GRID2: variants seen among roughly 807,000 people sequenced by gnomAD.
GRID2 encodes glutamate receptor ionotropic, delta-2.
A neutral mutation model predicts 114.8 loss-of-function variants in GRID2; 33 were observed. The ratio of observed to expected loss-of-function variants is 0.29; its 90% CI spans 0.22 to 0.38. The LOEUF is 0.38. Ranked by LOEUF, GRID2 falls within the 10% of genes least tolerant of loss-of-function variation. The probability of loss-of-function intolerance (pLI) is 1.00; values close to 1 mark genes in which losing one functional copy is unlikely to be tolerated. For missense variants in GRID2, 1,184 were observed against 1,257.7 expected, an observed-to-expected ratio of 0.94 and a Z score of 0.89; for synonymous variants, 505 against 449.9, an observed-to-expected ratio of 1.12 and a Z score of -1.55.
In GRID2 at chr4:92,723,748, TAGG is replaced by T. The variant is rs201016961; in HGVS notation, c.244+133465_244+133467del. Among the ~76,000 whole-genome samples the T allele has an allele frequency of 7.3e-3, 1,115 of 152,228 alleles. 16 individuals are homozygous for T. The highest frequency in any genetic ancestry group is 0.025 in the African/African-American group (1,027 of 41,540). On this transcript the variant is annotated intron_variant, in intron 2 of 15. Coordinates refer to ENST00000282020, the MANE Select transcript of GRID2 (RefSeq NM_001510.4). Reference sequence around the variant, plus strand: ...TCCCTGGTTCTGCTAATATAAGAAATAGGAGAGATGGCTCAAAGCCTTCTACAG... The same window carrying T: ...TCCCTGGTTCTGCTAATATAAGAAATAGAGATGGCTCAAAGCCTTCTACAG...
intron 2 of GRID2, among the ~76,000 whole-genome samples, chr4:92,913,444 G>A (rs1312487790): frequency 6.6e-6 from 1 of 151,808 alleles, no homozygotes; most frequent in South Asian, 2.1e-4. Context: ...GCATTCACAA[G>A]GCACACATGT....
At chr4:93,087,547 C>T (rs1186061907) in intron 3 of GRID2, among the ~76,000 whole-genome samples, 2 of 151,946 alleles carry the variant, frequency 1.3e-5, no homozygotes, top group South Asian at 2.1e-4. Flanking sequence ...ATCATTTATG[C>T]ATATTTGAAA....
chr4:92,413,660 C>G (rs1384955420), intron 1 of GRID2, among the ~76,000 whole-genome samples: 2 of 151,998 alleles, frequency 1.3e-5, no homozygotes. Context: ...ATGAGAAATG[C>G]TGCAGGAAAC....
intron 2 of GRID2, among the ~76,000 whole-genome samples, chr4:92,654,875 C>T (rs1732150097): frequency 6.6e-6 from 1 of 151,894 alleles, no homozygotes; most frequent in African/African-American, 2.4e-5. Flanking sequence ...TTGATTGTTT[C>T]TTTTGCTTTG....
At chr4:92,377,511 T>C (rs1729411939) in intron 1 of GRID2, among the ~76,000 whole-genome samples, 1 of 152,200 alleles carries the variant, frequency 6.6e-6, no homozygotes. Context: ...CCTCTGCCTG[T>C]TACCCAGTTC....
chr4:93,752,765 C>T (rs929412187), intron 14 of GRID2, among the ~76,000 whole-genome samples: 1 of 152,176 alleles, frequency 6.6e-6, no homozygotes, highest in African/African-American at 2.4e-5. Flanking sequence ...CTTATCCACA[C>T]CTCATTATCA....
intron 13 of GRID2, among the ~76,000 whole-genome samples, chr4:93,601,333 A>G (rs1234257767): frequency 6.6e-6 from 1 of 152,136 alleles, no homozygotes; most frequent in Admixed American, 6.6e-5. Context: ...CCCCTCTCCT[A>G]TACATCATAT....
intron 1 of GRID2, among the ~76,000 whole-genome samples, chr4:92,550,513 T>C (rs1726530865): frequency 6.6e-6 from 1 of 152,188 alleles, no homozygotes; most frequent in Non-Finnish European, 1.5e-5. Context: ...ATGAGTATAA[T>C]CTGGATTCCT....
intron 1 of GRID2, among the ~76,000 whole-genome samples, chr4:92,450,383 T>C (rs1720837888): frequency 6.6e-6 from 1 of 151,972 alleles, no homozygotes. Flanking sequence ...AATCAAATGA[T>C]AAGACCTCGA....
chr4:92,689,970 T>A (rs1734097216), intron 2 of GRID2, among the ~76,000 whole-genome samples: 1 of 152,166 alleles, frequency 6.6e-6, no homozygotes, highest in Non-Finnish European at 1.5e-5. Context: ...TGGTTTGATC[T>A]TCAGTGATGT....
chr4:92,795,442 CTG>C (rs898453933), intron 2 of GRID2, among the ~76,000 whole-genome samples: 4 of 151,976 alleles, frequency 2.6e-5, no homozygotes, highest in African/African-American at 9.7e-5. Context: ...CCATGTGAAA[CTG>C]TAAATCCAAT....
intron 1 of GRID2, among the ~76,000 whole-genome samples, chr4:92,448,720 C>T (rs971828935): frequency 5.3e-5 from 8 of 151,474 alleles, no homozygotes; most frequent in Non-Finnish European, 1.2e-4. Flanking sequence ...CCAAAAATTT[C>T]AATTATTAAA....
chr4:92,498,899 G>A, intron 1 of GRID2, among the ~76,000 whole-genome samples: 1 of 143,838 alleles, frequency 7.0e-6, no homozygotes, highest in South Asian at 2.2e-4. Flanking sequence ...GCCAAATCAT[G>A]TAGGAAATGA....
chr4:92,766,365 C>T (rs192854953), intron 2 of GRID2, among the ~76,000 whole-genome samples: 267 of 151,900 alleles, frequency 1.8e-3, no homozygotes, highest in Middle Eastern at 0.014. Flanking sequence ...GGTGAAACCC[C>T]GTCTCTACCA....
chr4:92,789,829 A>G lies in GRID2; in HGVS notation c.244+199543A>G, dbSNP rs556416056. ...GATTTCTTTATATATTTTCAGTTTT[A>G]TACTGTGTGCTCATATTTGTTAGAA... On this transcript the variant is annotated intron_variant, in intron 2 of 15. Coordinates refer to ENST00000282020, the MANE Select transcript of GRID2 (RefSeq NM_001510.4). Among the ~76,000 whole-genome samples the G allele has an allele frequency of 5.3e-5, 8 of 151,972 alleles. No homozygotes were observed. The East Asian group carries it at 9.7e-4, about 18-fold the overall frequency.
chr4:93,579,052 A>AT (rs539665402), intron 13 of GRID2, among the ~76,000 whole-genome samples: 23 of 150,206 alleles, frequency 1.5e-4, no homozygotes, highest in South Asian at 8.4e-4. Context: ...ATCCAAATCA[A>AT]TTTTTTTTTT....
chr4:93,063,882 T>G (rs1412650440), intron 2 of GRID2, among the ~76,000 whole-genome samples: 3 of 151,608 alleles, frequency 2.0e-5, no homozygotes, highest in Non-Finnish European at 4.4e-5. Flanking sequence ...GAATTGTATT[T>G]TATTCACCAA....
intron 2 of GRID2, among the ~76,000 whole-genome samples, chr4:92,611,833 A>G (rs1729759403): frequency 6.6e-6 from 1 of 151,380 alleles, no homozygotes; most frequent in Admixed American, 6.6e-5. Flanking sequence ...ATACATATTT[A>G]TTTGAGGTTT....
At chr4:93,262,971 G>T (rs888084955) in intron 8 of GRID2, among the ~76,000 whole-genome samples, 4 of 151,492 alleles carry the variant, frequency 2.6e-5, no homozygotes, top group African/African-American at 7.3e-5. Flanking sequence ...GTAACTCCTT[G>T]TTCCACTTAT....
Sources: allele counts gnomAD v4.1 joint callset (sites outside exome capture counted in the v4.1 genomes callset), GRCh38; gene constraint gnomAD v4.1.1; transcripts MANE v1.5; gene names NCBI Gene and HGNC (gene_info 2026-07-23, HGNC 2026-07-21).